Variants in PKNOX2 observed in about 807,000 individuals in gnomAD.
The protein encoded by PKNOX2 is homeobox protein PKNOX2.
A neutral mutation model predicts 53.1 loss-of-function variants in PKNOX2; 14 were observed. The observed-to-expected ratio is 0.26, with a 90% confidence interval of 0.17 to 0.41. The LOEUF (loss-of-function observed/expected upper bound fraction) is 0.41, where lower values mean the gene tolerates loss of function less well. Ranked by LOEUF, PKNOX2 falls within the 10% of genes least tolerant of loss-of-function variation. PKNOX2 has a pLI of 1.00. For missense variants in PKNOX2, 496 were observed against 602.8 expected, an observed-to-expected ratio of 0.82 and a Z score of 1.85; for synonymous variants, 257 against 242.8, an observed-to-expected ratio of 1.06 and a Z score of -0.54.
At chr11:125,377,994 G>A (rs1263048528) in intron 5 of PKNOX2, among the ~76,000 whole-genome samples, 1 of 152,188 alleles carries the variant, frequency 6.6e-6, no homozygotes, top group African/African-American at 2.4e-5. Flanking sequence ...CATCATCCAG[G>A]AGAAAATTTA....
intron 2 of PKNOX2, among the ~76,000 whole-genome samples, chr11:125,237,809 G>T (rs564800798): frequency 6.6e-6 from 1 of 152,148 alleles, no homozygotes; most frequent in Non-Finnish European, 1.5e-5. Flanking sequence ...TGTCAGGTCT[G>T]GAGGAGTCCT....
At chr11:125,351,226 C>T (rs1565503642) in intron 3 of PKNOX2, 58 bp from the exon 4 acceptor site, 12 of 797,168 alleles carry the variant, frequency 1.5e-5, no homozygotes, top group Non-Finnish European at 2.2e-6. Context: ...CTGCTGGGTG[C>T]CCAGGGCGGG....
chr11:125,396,749 C>A (rs1038306041), intron 6 of PKNOX2, among the ~76,000 whole-genome samples: 1 of 152,186 alleles, frequency 6.6e-6, no homozygotes, highest in Non-Finnish European at 1.5e-5. Flanking sequence ...CAATAACTTT[C>A]ACCCATTCAG....
chr11:125,380,076 C>T (rs1156669414), intron 5 of PKNOX2, among the ~76,000 whole-genome samples: 1 of 152,126 alleles, frequency 6.6e-6, no homozygotes, highest in African/African-American at 2.4e-5. Context: ...ATCTCTTCTT[C>T]CCCTCTCCCT....
chr11:125,358,596 G>GGTCTGTTCT (rs1951749862), intron 4 of PKNOX2, among the ~76,000 whole-genome samples: 1 of 152,218 alleles, frequency 6.6e-6, no homozygotes, highest in African/African-American at 2.4e-5. Flanking sequence ...ACTCTTCTAT[G>GGTCTGTTCT]GTCTGTTCTG....
Position 125,369,258 on chromosome 11 carries a change from C to T in PKNOX2, c.227+1273C>T, listed in dbSNP as rs187208801. ...CCAGGCCCAGGAGAGGGACAAAACACAGCACCTGTGCCCTGCCCTGTGAAA... is the reference window on the plus strand; with the variant it reads ...CCAGGCCCAGGAGAGGGACAAAACATAGCACCTGTGCCCTGCCCTGTGAAA... On this transcript the variant is annotated intron_variant, in intron 5 of 12. Coordinates refer to ENST00000298282, the MANE Select transcript of PKNOX2 (RefSeq NM_001382323.2). Among the ~76,000 whole-genome samples, 145 of 152,358 alleles carry T rather than the reference C, an allele frequency of 9.5e-4. 2 individuals are homozygous for T. The South Asian group carries it at 0.013, about 14-fold the overall frequency.
In PKNOX2 at chr11:125,360,127, C is replaced by T. The variant is rs189445412; in HGVS notation, c.88-7719C>T. ...TGCCATTGCACTCCAGCCTGGGCAA[C>T]AAGAGCGAAACTCCATCTCAAAAAA... On this transcript the variant is annotated intron_variant, in intron 4 of 12. Transcript: ENST00000298282. 8.2e-5 allele frequency among the ~76,000 whole-genome samples: 10 copies of T among 121,744 alleles called. No homozygotes were observed. The East Asian group carries it at 1.8e-3, about 22-fold the overall frequency. 79.9% of individuals were successfully genotyped at this position (121,744 alleles called of 152,430 possible). A position where few individuals can be genotyped will look rare whatever the true frequency, so the allele number is the denominator to read the frequency against.
chr11:125,387,902 T>G (rs540000224), intron 6 of PKNOX2, among the ~76,000 whole-genome samples: 143 of 152,194 alleles, frequency 9.4e-4, no homozygotes, highest in African/African-American at 2.6e-3. Context: ...ATGACTTAAC[T>G]CCTTTGAAGC....
intron 2 of PKNOX2, among the ~76,000 whole-genome samples, chr11:125,320,164 T>G (rs1004152825): frequency 1.8e-4 from 28 of 152,214 alleles, no homozygotes; most frequent in Non-Finnish European, 4.4e-5. Flanking sequence ...AATGTTCCGG[T>G]GCTTTATGAA....
intron 1 of PKNOX2, among the ~76,000 whole-genome samples, chr11:125,194,099 A>C (rs1957037106): frequency 6.6e-6 from 1 of 152,202 alleles, no homozygotes; most frequent in African/African-American, 2.4e-5. Flanking sequence ...GGCTTTCCAA[A>C]GTCAAACCTA....
At chr11:125,174,034 G>T (rs1282544764) in intron 1 of PKNOX2, among the ~76,000 whole-genome samples, 1 of 152,206 alleles carries the variant, frequency 6.6e-6, no homozygotes, top group Non-Finnish European at 1.5e-5. Flanking sequence ...GTTAAGGAAT[G>T]GATGCTCCTC....
At position 125,410,198 on chromosome 11, in the gene PKNOX2, C is replaced by T; in HGVS notation, c.591C>T (p.Asp197=). 1 of 1,613,860 alleles carries T rather than the reference C, an allele frequency of 6.2e-7. No individual in the cohort carries two copies. Among genetic ancestry groups the T allele is most frequent in the Non-Finnish European group, 8.5e-7 (1 of 1,179,862 alleles). The change falls in exon 8 of 13, where the codon GAC becomes GAT. Residue 197 remains aspartate (D), a splice_region_variant and synonymous_variant. Coordinates refer to ENST00000298282, the MANE Select transcript of PKNOX2 (RefSeq NM_001382323.2). ...NQPSINLHSQ[D]LLQNSPNSMS... ...AACCACGCCTCCCTCACTGCCAGGA[C>T]CTCCTGCAGAATTCCCCCAATTCCA...
intron 2 of PKNOX2, among the ~76,000 whole-genome samples, chr11:125,260,169 T>G (rs145532930): frequency 4.6e-5 from 7 of 152,050 alleles, no homozygotes; most frequent in African/African-American, 1.4e-4. Flanking sequence ...TGAGCCATCA[T>G]GCTTGGCCCA....
chr11:125,197,655 AAAC>A lies in PKNOX2; in HGVS notation c.-201+32897_-201+32899del, dbSNP rs370764796. ...CCTTCCCTGCCCCAAAGCAGAGGAA[AAAC>A]AACAACAACAACAACAAAAAAACAC... On this transcript the variant is annotated intron_variant, in intron 1 of 12. Coordinates refer to ENST00000298282, the MANE Select transcript of PKNOX2 (RefSeq NM_001382323.2). Among the ~76,000 whole-genome samples, 768 of 151,902 alleles carry A rather than the reference AAAC, an allele frequency of 5.1e-3. 7 individuals carry two copies. The highest frequency in any genetic ancestry group is 0.018 in the African/African-American group (743 of 41,224).
At chr11:125,343,816 C>T (rs1950833267) in intron 3 of PKNOX2, among the ~76,000 whole-genome samples, 1 of 152,024 alleles carries the variant, frequency 6.6e-6, no homozygotes, top group African/African-American at 2.4e-5. Flanking sequence ...TGTTGCTCGT[C>T]TGACTCTCCT....
At position 125,273,088 on chromosome 11, in the gene PKNOX2, C is replaced by T. The variant is rs115793140; in HGVS notation, c.-130+37973C>T. The stretch of plus-strand genomic sequence containing the variant: ...CCGCCCAGTCCAGGGTGAGAGGCCG[C>T]TTGTCAGGCCCGGAGAGACTGGCTG... On this transcript the variant is annotated intron_variant, in intron 2 of 12. Coordinates refer to ENST00000298282, the MANE Select transcript of PKNOX2 (RefSeq NM_001382323.2). Among the ~76,000 whole-genome samples, 677 of 152,318 alleles carry T rather than the reference C, an allele frequency of 4.4e-3. 6 individuals are homozygous for T. The highest frequency in any genetic ancestry group is 0.014 in the African/African-American group (577 of 41,572).
At chr11:125,305,884 G>A (rs1036111787) in intron 2 of PKNOX2, among the ~76,000 whole-genome samples, 1 of 152,186 alleles carries the variant, frequency 6.6e-6, no homozygotes, top group African/African-American at 2.4e-5. Flanking sequence ...ATATGTCTGA[G>A]ATGAGAACCA....
intron 2 of PKNOX2, among the ~76,000 whole-genome samples, chr11:125,266,021 T>C (rs1945312228): frequency 6.6e-6 from 1 of 152,152 alleles, no homozygotes; most frequent in Non-Finnish European, 1.5e-5. Context: ...GCTCCATAAC[T>C]GGCCAGGTCT....
At chr11:125,258,998 A>G (rs1209540163) in intron 2 of PKNOX2, 8 of 215,526 alleles carry the variant, frequency 3.7e-5, no homozygotes, top group Non-Finnish European at 6.0e-5. Flanking sequence ...ATTTCTGCAT[A>G]GTGTCGGACA....
Sources: gnomAD v4.1 joint callset for allele counts (sites outside exome capture counted in the v4.1 genomes callset) on GRCh38, gnomAD v4.1.1 for gene constraint, MANE v1.5 for transcripts, NCBI Gene and HGNC (gene_info 2026-07-23, HGNC 2026-07-21) for gene names.